The following CHD4 variants were observed in gnomAD, a reference collection of about 807,000 sequenced individuals.
The protein encoded by CHD4 is chromodomain helicase DNA binding protein 4.
CHD4 carries 35 observed loss-of-function variants against 235.5 expected under a neutral mutation model. That is an observed-to-expected ratio of 0.15 (90% CI 0.11 to 0.20). CHD4 has a LOEUF of 0.20. CHD4 is among the 10% of genes least tolerant of loss of function. CHD4 has a pLI of 1.00. For synonymous variants in CHD4, 900 were observed against 850.2 expected, an observed-to-expected ratio of 1.06 and a Z score of -1.02; for missense variants, 1,329 against 2,432.3, an observed-to-expected ratio of 0.55 and a Z score of 9.54.
At chr12:6,588,188 T>A in intron 23 of CHD4, 110 bp downstream of exon 23, 2 of 1,393,460 alleles carry the variant, frequency 1.4e-6, no homozygotes, top group East Asian at 4.6e-5. Context: ...AAAGAATCTG[T>A]TGTTTCTCAC....
rs200253186 is a variant in CHD4, at chr12:6,601,369, A to G, written c.719T>C (p.Met240Thr). 1 of 1,614,072 alleles carries G rather than the reference A, an allele frequency of 6.2e-7. No individual in the cohort carries two copies. Among genetic ancestry groups the G allele is most frequent in the Admixed American group, 1.7e-5 (1 of 60,016 alleles). ...AAAAVAVVES[M>T]VTATEVAPPP... ...TGGTGCAACCTCAGTGGCTGTCACC[A>G]TGCTCTCCACCACAGCTACCGCTGC... Residue 240 changes from methionine to threonine, a missense_variant, in exon 6 of 40, where the codon ATG becomes ACG. Physicochemically the swap from Met to Thr is moderately conservative, Grantham distance 81. Coordinates refer to ENST00000544040, the MANE Select transcript of CHD4 (RefSeq NM_001273.5).
chr12:6,606,208 A>T, intron 2 of CHD4, 66 bp downstream of exon 2: 1 of 1,096,002 alleles, frequency 9.1e-7, no homozygotes. Context: ...CTGCCTCACC[A>T]GAGGAGTCAC....
chr12:6,606,422 G>T lies in CHD4; in HGVS notation c.-49C>A, dbSNP rs1357771070. On this transcript the variant is annotated 5_prime_UTR_variant, in exon 2 of 40. Coordinates refer to ENST00000544040, the MANE Select transcript of CHD4 (RefSeq NM_001273.5). ...ATTGGCCCAGCTGCTCCTGCCGGCGGCCTGAGGACCTCTACACTGGCCCGA... is the reference window on the plus strand; with the variant it reads ...ATTGGCCCAGCTGCTCCTGCCGGCGTCCTGAGGACCTCTACACTGGCCCGA... The T allele has an allele frequency of 2.2e-6, 3 of 1,351,388 alleles. No homozygotes were observed. The highest frequency in any genetic ancestry group is 1.2e-5 in the South Asian group (1 of 81,098). 83.7% of individuals were successfully genotyped at this position (1,351,388 alleles called of 1,614,324 possible).
intron 35 of CHD4, 50 bp downstream of exon 35, chr12:6,578,359 C>T: frequency 6.3e-7 from 1 of 1,591,328 alleles, no homozygotes; most frequent in Non-Finnish European, 8.5e-7. Context: ...ACAAGAACCC[C>T]AATTTCACAT....
Position 6,588,435 on chromosome 12 carries a change from C to A in CHD4, c.3341-13G>T. On this transcript the variant is annotated splice_polypyrimidine_tract_variant and intron_variant, in intron 22 of 39. Coordinates refer to ENST00000544040, the MANE Select transcript of CHD4 (RefSeq NM_001273.5). ...TGAGCACCCGGTGCTAATAAAAGAA[C>A]CAAAAACACCATTAGAAGTGTCTCC... is the stretch of plus-strand genomic sequence containing the variant. 1 of 1,610,926 alleles carries A rather than the reference C, an allele frequency of 6.2e-7. No individual in the cohort carries two copies.
intron 25 of CHD4, 125 bp downstream of exon 25, chr12:6,587,259 G>A (rs1386564547): frequency 1.4e-5 from 13 of 902,782 alleles, no homozygotes; most frequent in East Asian, 9.9e-5. Flanking sequence ...AAAGGAAGAG[G>A]ATCAATTCAT....
At position 6,594,541 on chromosome 12, in the gene CHD4, C is replaced by T; in HGVS notation, c.2231G>A (p.Gly744Asp). ...CTCATCAGCCAAGATGGTGTCAGTG[C>T]CCTGAGCCCAGGAGAAGCGCAACCA... The part of the protein sequence containing the change: ...LNWLRFSWAQ[G>D]TDTILADEMG... Residue 744 changes from glycine (G) to aspartate (D), a missense_variant, in exon 15 of 40, where the codon GGC (glycine) becomes GAC (aspartate). Gly to Asp is a moderately conservative substitution (Grantham distance 94). Coordinates refer to ENST00000544040, the MANE Select transcript of CHD4 (RefSeq NM_001273.5). 6.2e-7 allele frequency: 1 copy of T among 1,614,150 alleles called. No homozygotes were observed. The highest frequency in any genetic ancestry group is 8.5e-7 in the Non-Finnish European group (1 of 1,180,008).
intron 5 of CHD4, 48 bp from the exon 6 acceptor site, chr12:6,601,578 A>G: frequency 1.2e-6 from 2 of 1,612,958 alleles, no homozygotes; most frequent in Admixed American, 3.3e-5. Context: ...AAGAATAAAA[A>G]AAGAAAGAGA....
intron 37 of CHD4, among the ~76,000 whole-genome samples, chr12:6,574,225 TTTC>T (rs753501216): frequency 1.8e-4 from 27 of 152,270 alleles, no homozygotes; most frequent in Middle Eastern, 3.4e-3. Flanking sequence ...TAAAATGCTT[TTTC>T]TTCTCCCACT....
At chr12:6,597,405 G>A (rs1426815846) in intron 12 of CHD4, among the ~76,000 whole-genome samples, 1 of 152,202 alleles carries the variant, frequency 6.6e-6, no homozygotes, top group African/African-American at 2.4e-5. Flanking sequence ...GTTTGGGACA[G>A]CTATGAGCAG....
At chr12:6,588,064 A>G (rs1948329119) in intron 23 of CHD4, 115 bp from the exon 24 acceptor site, 1 of 1,221,420 alleles carries the variant, frequency 8.2e-7, no homozygotes, top group Non-Finnish European at 1.2e-6. Flanking sequence ...GCCTACATTC[A>G]TAGGAAACTT....
At chr12:6,591,136 A>AC (rs1948390334) in intron 22 of CHD4, 2 of 175,462 alleles carry the variant, frequency 1.1e-5, no homozygotes, top group South Asian at 1.8e-4. Flanking sequence ...AAAAAAAAAA[A>AC]AAAAAAAAAA....
intron 10 of CHD4, 116 bp downstream of exon 10, chr12:6,599,657 C>CCT (rs766615201): frequency 2.0e-5 from 26 of 1,301,206 alleles, no homozygotes; most frequent in Non-Finnish European, 2.6e-5. Flanking sequence ...AAGGAGAATA[C>CCT]CTTTCTCAGG....
chr12:6,577,397 G>C (rs1362761004), intron 37 of CHD4, among the ~76,000 whole-genome samples: 1 of 146,662 alleles, frequency 6.8e-6, no homozygotes, highest in African/African-American at 2.6e-5. Flanking sequence ...ATTCCAGCCT[G>C]GGCGACAGAG....
intron 37 of CHD4, among the ~76,000 whole-genome samples, chr12:6,575,449 C>CA (rs201602922): frequency 0.11 from 6,498 of 57,894 alleles, 321 homozygotes; most frequent in East Asian, 0.24. Context: ...GACTTTGTCT[C>CA]AAAAAAAAAA....
chr12:6,588,093 C>G (rs1269999768), intron 23 of CHD4, 144 bp from the exon 24 acceptor site: 2 of 1,099,976 alleles, frequency 1.8e-6, no homozygotes, highest in Non-Finnish European at 2.6e-6. Flanking sequence ...ACCCCTGCCT[C>G]CAGACACCAC....
At chr12:6,597,694 A>G (rs1262073240) in intron 12 of CHD4, among the ~76,000 whole-genome samples, 200 bp downstream of exon 12, 1 of 152,100 alleles carries the variant, frequency 6.6e-6, no homozygotes, top group Admixed American at 6.5e-5. Context: ...TGAATCTGGG[A>G]GGCAGAGGTT....
At chr12:6,601,240 T>A in intron 6 of CHD4, 49 bp downstream of exon 6, 1 of 1,598,606 alleles carries the variant, frequency 6.3e-7, no homozygotes, top group Non-Finnish European at 8.6e-7. Context: ...GTCTTTGACA[T>A]CTTAAGCCCA....
chr12:6,586,056 CACCACTGA>C (rs1948287353), intron 25 of CHD4, among the ~76,000 whole-genome samples: 1 of 150,708 alleles, frequency 6.6e-6, no homozygotes, highest in Non-Finnish European at 1.5e-5. Flanking sequence ...GCTGTGATCG[CACCACTGA>C]ACTCCAGCCT....
Sources: gnomAD v4.1 joint callset for allele counts (sites outside exome capture counted in the v4.1 genomes callset) on GRCh38, gnomAD v4.1.1 for gene constraint, MANE v1.5 for transcripts, NCBI Gene and HGNC (gene_info 2026-07-23, HGNC 2026-07-21) for gene names.